Variants in HNRNPD observed in about 807,000 individuals in gnomAD.
HNRNPD encodes the protein heterogeneous nuclear ribonucleoprotein D, also known as heterogeneous nuclear ribonucleoprotein D0.
HNRNPD carries 3 observed loss-of-function variants against 47.9 expected under a neutral mutation model. The ratio of observed to expected loss-of-function variants is 0.06; its 90% CI spans 0.03 to 0.16. HNRNPD has a LOEUF of 0.16. Among genes scored for constraint, HNRNPD ranks in the 10% least tolerant of loss-of-function variants. The pLI is 1.00. For missense variants in HNRNPD, 287 were observed against 454.2 expected, an observed-to-expected ratio of 0.63 and a Z score of 3.35; for synonymous variants, 171 against 165.1, an observed-to-expected ratio of 1.04 and a Z score of -0.28.
chr4:82,370,700 T>C (rs989510211), intron 2 of HNRNPD, among the ~76,000 whole-genome samples: 2 of 152,190 alleles, frequency 1.3e-5, no homozygotes, highest in Admixed American at 1.3e-4. Context: ...ATAAGTTAAC[T>C]GCCTGCAAGT....
intron 5 of HNRNPD, 35 bp downstream of exon 5, chr4:82,357,278 A>C (rs1429260126): frequency 1.3e-6 from 2 of 1,579,568 alleles, no homozygotes; most frequent in African/African-American, 1.4e-5. Context: ...TACAACAGCT[A>C]GTTTTCTCTA....
intron 4 of HNRNPD, 113 bp from the exon 5 acceptor site, chr4:82,357,557 GT>G: frequency 1.2e-6 from 1 of 828,118 alleles, no homozygotes; most frequent in Non-Finnish European, 1.8e-6. Context: ...TGGCACTGAA[GT>G]TCTAGTCTCC....
intron 4 of HNRNPD, 159 bp downstream of exon 4, chr4:82,358,500 A>G (rs1051363259): frequency 5.0e-5 from 32 of 637,656 alleles, no homozygotes; most frequent in Non-Finnish European, 8.3e-5. Context: ...CCAACCTTCA[A>G]AGACCTGCTA....
At chr4:82,373,161 G>T in intron 1 of HNRNPD, 1 of 638,694 alleles carries the variant, frequency 1.6e-6, no homozygotes, top group Non-Finnish European at 2.9e-6. Flanking sequence ...AAGTCGGTGG[G>T]AGGAGACCCA....
Position 82,358,836 on chromosome 4 carries a change from T to C in HNRNPD, c.460-16A>G. ...GATCCATGACCTAAGGAAATTGAAG[T>C]TTTCATTTAAAAAATATATATCTTA... On this transcript the variant is annotated splice_polypyrimidine_tract_variant and intron_variant, in intron 3 of 8. Transcript: ENST00000313899. 1 of 1,559,732 alleles carries C rather than the reference T, an allele frequency of 6.4e-7. No individual in the cohort carries two copies. The highest frequency in any genetic ancestry group is 1.4e-5 in the African/African-American group (1 of 72,180).
At chr4:82,368,298 C>A (rs753088752) in intron 2 of HNRNPD, among the ~76,000 whole-genome samples, 1 of 152,000 alleles carries the variant, frequency 6.6e-6, no homozygotes, top group African/African-American at 2.4e-5. Context: ...AAAATGTTCT[C>A]GTATTAGGGC....
At chr4:82,359,319 C>A (rs1349374725) in intron 3 of HNRNPD, 152 bp downstream of exon 3, 1 of 448,158 alleles carries the variant, frequency 2.2e-6, no homozygotes, top group East Asian at 3.5e-5. Flanking sequence ...CCTGAACCTA[C>A]CTCTATCTTC....
At chr4:82,371,439 G>C in intron 2 of HNRNPD, 89 bp downstream of exon 2, 3 of 990,964 alleles carry the variant, frequency 3.0e-6, no homozygotes, top group Non-Finnish European at 4.6e-6. Flanking sequence ...ATTTCCTGGG[G>C]ATCAATGGGC....
intron 2 of HNRNPD, among the ~76,000 whole-genome samples, chr4:82,365,803 C>G (rs1414695344): frequency 8.7e-6 from 1 of 115,452 alleles, no homozygotes; most frequent in Admixed American, 1.1e-4. Context: ...TTTGTAGAGA[C>G]AGGATCTCAT....
chr4:82,369,548 C>T (rs961620689), intron 2 of HNRNPD, among the ~76,000 whole-genome samples: 2 of 146,808 alleles, frequency 1.4e-5, no homozygotes, highest in African/African-American at 5.2e-5. Context: ...GCACACAGAA[C>T]TGTGTTTAAT....
Position 82,373,593 on chromosome 4 carries a change from G to A in HNRNPD, c.86C>T (p.Ala29Val). The change falls in exon 1 of 9, where the codon GCC (alanine) becomes GTC (valine). Residue 29 changes from alanine (A) to valine (V), a missense_variant. Ala to Val is a moderately conservative substitution (Grantham distance 64). This residue lies in a region of HNRNPD where 161 missense variants were observed against 137.1 expected (regional missense o/e 1.17). Coordinates refer to ENST00000313899, the MANE Select transcript of HNRNPD (RefSeq NM_031370.3). Reference sequence around the variant, plus strand: ...TGCCCCCTGTGTCGCCGCCACCATGGCTCCCTCCTGCTCGCCCGCCGAGCC... The same window carrying A: ...TGCCCCCTGTGTCGCCGCCACCATGACTCCCTCCTGCTCGCCCGCCGAGCC... ...VGGSAGEQEG[A>V]MVAATQGAAA... The A allele has an allele frequency of 6.5e-7, 1 of 1,530,394 alleles. No individual in the cohort carries two copies. 94.8% of individuals were successfully genotyped at this position (1,530,394 alleles called of 1,614,324 possible).
chr4:82,373,578 G>A lies in HNRNPD; in HGVS notation c.101C>T (p.Thr34Ile), dbSNP rs1720243814. ...GEQEGAMVAA[T>I]QGAAAAAGSG... is the part of the protein sequence containing the mutation. ...TCCCGCCGCCGCCGCTGCCCCCTGT[G>A]TCGCCGCCACCATGGCTCCCTCCTG... The change falls in exon 1 of 9, where the codon ACA (threonine) becomes ATA (isoleucine). Residue 34 changes from threonine to isoleucine, a missense_variant. Around this residue, in one of 5 missense-constraint regions of HNRNPD, gnomAD observed 161 missense variants for 137.1 expected, o/e 1.17. Transcript: ENST00000313899. 6.5e-7 allele frequency: 1 copy of A among 1,536,594 alleles called. No homozygotes were observed. The highest frequency in any genetic ancestry group is 1.2e-5 in the South Asian group (1 of 83,418).
Sources: gnomAD v4.1 joint callset for allele counts (sites outside exome capture counted in the v4.1 genomes callset) on GRCh38, gnomAD v4.1.1 for gene constraint, gnomAD v4.1.1 regional missense constraint, MANE v1.5 for transcripts, NCBI Gene and HGNC (gene_info 2026-07-23, HGNC 2026-07-21) for gene names.